POLA2: variants seen among roughly 807,000 people sequenced by gnomAD.
POLA2 encodes DNA polymerase alpha subunit B.
In POLA2, 47 loss-of-function variants were observed where a neutral mutation model predicts 82.8. The ratio of observed to expected loss-of-function variants is 0.57; its 90% CI spans 0.45 to 0.72. The LOEUF (loss-of-function observed/expected upper bound fraction) is 0.72. Ranked by LOEUF, POLA2 falls within the 30% of genes least tolerant of loss-of-function variation. POLA2 has a pLI of 0.00. For synonymous variants in POLA2, 287 were observed against 286.8 expected, an observed-to-expected ratio of 1.00 and a Z score of -0.01; for missense variants, 634 against 728.1, an observed-to-expected ratio of 0.87 and a Z score of 1.49.
At chr11:65,282,020 GC>G (rs1251359926) in intron 9 of POLA2, among the ~76,000 whole-genome samples, 3 of 152,318 alleles carry the variant, frequency 2.0e-5, no homozygotes, top group South Asian at 4.1e-4. Flanking sequence ...GATGACTGTG[GC>G]TGTGTTCCCA....
chr11:65,277,058 G>C (rs1344868422), intron 5 of POLA2, among the ~76,000 whole-genome samples: 1 of 152,088 alleles, frequency 6.6e-6, no homozygotes, highest in African/African-American at 2.4e-5. Flanking sequence ...CCAAAGTGTA[G>C]GATGTCAAGC....
In POLA2 at chr11:65,261,988, C is replaced by T. The variant is rs556946803; in HGVS notation, c.-305C>T. ...GTTCTGCCACCGTCACTGAGAAGCTCAGCGGTAGCTTTTGGGAAGCAGGAC... is the reference window on the plus strand; with the variant it reads ...GTTCTGCCACCGTCACTGAGAAGCTTAGCGGTAGCTTTTGGGAAGCAGGAC... On this transcript the variant is annotated 5_prime_UTR_variant, in exon 1 of 18. Transcript: ENST00000265465. The T allele has an allele frequency of 8.8e-6, 4 of 456,116 alleles. No homozygotes were observed. The highest frequency in any genetic ancestry group is 1.2e-5 in the Non-Finnish European group (3 of 255,796). 28.3% of individuals were successfully genotyped at this position (456,116 alleles called of 1,614,324 possible). A position where few individuals can be genotyped will look rare whatever the true frequency, so the allele number is the denominator to read the frequency against.
intron 10 of POLA2, among the ~76,000 whole-genome samples, chr11:65,286,112 A>G (rs1433082221): frequency 1.3e-5 from 2 of 152,210 alleles, no homozygotes; most frequent in Non-Finnish European, 2.9e-5. Flanking sequence ...AAGGGTCCTT[A>G]TAAGAGGAAT....
At chr11:65,297,037 G>A (rs895443411) in intron 17 of POLA2, 83 bp from the exon 18 acceptor site, 3 of 1,440,982 alleles carry the variant, frequency 2.1e-6, no homozygotes, top group African/African-American at 1.4e-5. Context: ...TTGGGGTCCA[G>A]CCATGTGATG....
chr11:65,272,933 G>C (rs1231183507), intron 4 of POLA2, among the ~76,000 whole-genome samples: 1 of 151,778 alleles, frequency 6.6e-6, no homozygotes, highest in Non-Finnish European at 1.5e-5. Context: ...AGAATTGCTT[G>C]AACAGAGGCG....
At chr11:65,276,274 A>ACAACCTGT (rs1949578743) in intron 5 of POLA2, among the ~76,000 whole-genome samples, 1 of 152,190 alleles carries the variant, frequency 6.6e-6, no homozygotes, top group East Asian at 1.9e-4. Flanking sequence ...TGTATTGAAA[A>ACAACCTGT]CAACCTGTCT....
intron 10 of POLA2, chr11:65,287,503 G>C: frequency 2.6e-6 from 1 of 388,930 alleles, no homozygotes; most frequent in Non-Finnish European, 4.6e-6. Flanking sequence ...GCATGTTCTA[G>C]GTATTCGTGT....
At chr11:65,279,927 A>T in intron 7 of POLA2, 1 of 312,634 alleles carries the variant, frequency 3.2e-6, no homozygotes, top group Non-Finnish European at 5.9e-6. Context: ...CACAAATAGA[A>T]GCATTCACGT....
In POLA2 at chr11:65,268,585, G is replaced by A. The variant is rs570277737; in HGVS notation, c.297-87G>A. On this transcript the variant is annotated intron_variant, in intron 3 of 17. Coordinates refer to ENST00000265465, the MANE Select transcript of POLA2 (RefSeq NM_002689.4). ...TCTCTGTCTCCTGATCTCGTGATCCGCCCATCTCGGCCTCCCAAAGTGCTG... is the reference window on the plus strand; with the variant it reads ...TCTCTGTCTCCTGATCTCGTGATCCACCCATCTCGGCCTCCCAAAGTGCTG... 4.7e-4 allele frequency: 358 copies of A among 763,756 alleles called. 1 individual carries two copies. In the African/African-American group the frequency reaches 5.6e-3, roughly 12 times the overall value. 47.3% of individuals were successfully genotyped at this position (763,756 alleles called of 1,614,324 possible).
At position 65,294,179 on chromosome 11, in the gene POLA2, C is replaced by T. The variant is rs1329580446; in HGVS notation, c.1271C>T (p.Pro424Leu). Residue 424 changes from proline to leucine, a missense_variant, in exon 14 of 18, where the codon CCG becomes CTG. Physicochemically the swap from Pro to Leu is moderately conservative, Grantham distance 98. Coordinates refer to ENST00000265465, the MANE Select transcript of POLA2 (RefSeq NM_002689.4). ...TCCGGCTCCCACCTTGTCTTTGTCCCGTCATTGAGAGATGTGCACCATGAG... is the reference window on the plus strand; with the variant it reads ...TCCGGCTCCCACCTTGTCTTTGTCCTGTCATTGAGAGATGTGCACCATGAG... Reference protein sequence around the residue: ...RSSGSHLVFVPSLRDVHHEPV... With the variant: ...RSSGSHLVFVLSLRDVHHEPV... The T allele has an allele frequency of 6.2e-6, 10 of 1,614,068 alleles. No individual in the cohort carries two copies. Among genetic ancestry groups the T allele is most frequent in the East Asian group, 2.2e-5 (1 of 44,870 alleles).
At chr11:65,269,258 G>A (rs539122307) in intron 4 of POLA2, among the ~76,000 whole-genome samples, 10 of 152,248 alleles carry the variant, frequency 6.6e-5, no homozygotes, top group African/African-American at 1.9e-4. Context: ...TGAGGCAGGC[G>A]GATCACGAGG....
Position 65,283,556 on chromosome 11 carries a change from G to A in POLA2, c.1006+1035G>A, listed in dbSNP as rs879863060. On this transcript the variant is annotated intron_variant, in intron 10 of 17. Transcript: ENST00000265465. ...AAGATCTTGGCTCACTGCAAGCTCC[G>A]CCTCCCGGGTTCAGGTGATTCTCCT... Among the ~76,000 whole-genome samples, 14 of 151,654 alleles carry A rather than the reference G, an allele frequency of 9.2e-5. 1 individual carries two copies. Among genetic ancestry groups the A allele is most frequent in the African/African-American group, 2.2e-4 (9 of 41,216 alleles).
chr11:65,281,610 T>G (rs1949641808), intron 8 of POLA2, 60 bp from the exon 9 acceptor site: 1 of 1,179,958 alleles, frequency 8.5e-7, no homozygotes. Context: ...CTCAAAATAA[T>G]GTATTCCAGA....
chr11:65,291,488 T>C (rs1949754772), intron 13 of POLA2, among the ~76,000 whole-genome samples: 1 of 152,114 alleles, frequency 6.6e-6, no homozygotes, highest in South Asian at 2.1e-4. Context: ...CAGATGAAGG[T>C]GATGCAGGTG....
At chr11:65,277,690 A>G (rs1360889373) in intron 5 of POLA2, among the ~76,000 whole-genome samples, 1 of 152,184 alleles carries the variant, frequency 6.6e-6, no homozygotes, top group African/African-American at 2.4e-5. Flanking sequence ...TCTGTTTACA[A>G]CTGTCCTCAT....
Position 65,262,651 on chromosome 11 carries a change from CTAGA to C in POLA2, c.79+285_79+288del, listed in dbSNP as rs1265637187. On this transcript the variant is annotated intron_variant, in intron 1 of 17. Coordinates refer to ENST00000265465, the MANE Select transcript of POLA2 (RefSeq NM_002689.4). ...TCCCGAAAGGCGGAATTGGGATGTGCTAGATAGAGACTAGGCACTGGTGGCACCT... is the reference window on the plus strand; with the variant it reads ...TCCCGAAAGGCGGAATTGGGATGTGCTAGAGACTAGGCACTGGTGGCACCT... 2.0e-5 allele frequency among the ~76,000 whole-genome samples: 3 copies of C among 152,102 alleles called. No individual in the cohort carries two copies. The East Asian group carries it at 5.8e-4, about 29-fold the overall frequency.
chr11:65,274,702 A>G (rs1320678149), intron 4 of POLA2, among the ~76,000 whole-genome samples: 3 of 152,138 alleles, frequency 2.0e-5, no homozygotes, highest in African/African-American at 2.4e-5. Flanking sequence ...TTAAAAATGT[A>G]ACAGTGTGGG....
At chr11:65,300,034 G>A (rs897001977), downstream of POLA2, among the ~76,000 whole-genome samples, 3 of 152,066 alleles carry the variant, frequency 2.0e-5, no homozygotes, top group Admixed American at 6.6e-5. Flanking sequence ...TCATGGTGTT[G>A]TGCAGGCCTC....
chr11:65,290,235 C>A (rs189352927), intron 13 of POLA2, among the ~76,000 whole-genome samples: 4 of 138,094 alleles, frequency 2.9e-5, no homozygotes, highest in African/African-American at 1.1e-4. Flanking sequence ...GCAAAAAGAG[C>A]GCAACTCCAT....
Sources: gnomAD v4.1 joint callset for allele counts (sites outside exome capture counted in the v4.1 genomes callset) on GRCh38, gnomAD v4.1.1 for gene constraint, MANE v1.5 for transcripts, NCBI Gene and HGNC (gene_info 2026-07-23, HGNC 2026-07-21) for gene names.